Variants in SPON2 observed in about 807,000 individuals in gnomAD.
The protein encoded by SPON2 is spondin-2.
In SPON2, 32 loss-of-function variants were observed where a neutral mutation model predicts 29.9. That is an observed-to-expected ratio of 1.07 (90% CI 0.81 to 1.44). The LOEUF is 1.44. Ranked by LOEUF, SPON2 falls within the 40% of genes most tolerant of loss-of-function variation. The probability of loss-of-function intolerance (pLI) is 0.00; values close to 1 mark genes in which losing one functional copy is unlikely to be tolerated. For missense variants in SPON2, 541 were observed against 455.5 expected (o/e 1.19, Z -1.71); for synonymous variants, 248 against 209.1 (o/e 1.19, Z -1.61).
Position 1,202,640 on chromosome 4 carries a change from G to A in SPON2, c.-234+5240C>T, listed in dbSNP as rs1352609885. 2.6e-5 allele frequency among the ~76,000 whole-genome samples: 4 copies of A among 151,840 alleles called. No individual in the cohort carries two copies. The highest frequency in any genetic ancestry group is 6.6e-5 in the Admixed American group (1 of 15,266). The stretch of plus-strand genomic sequence containing the variant: ...CCGCTCTCCCAGGCTGTGCTTGCTC[G>A]CTGGTGGCCCTGCAGTCCTGGGGTC... On this transcript the variant is annotated intron_variant, in intron 1 of 3. Transcript: ENST00000509233. The surrounding 1 kb of genome is among the most constrained non-coding windows in gnomAD (Gnocchi z 5.4).
intron 1 of SPON2, among the ~76,000 whole-genome samples, chr4:1,179,961 C>G (rs940051137): frequency 6.7e-6 from 1 of 149,980 alleles, no homozygotes; most frequent in Non-Finnish European, 1.5e-5. Flanking sequence ...AACAGTTGGG[C>G]AAGAAATAGA....
At position 1,202,191 on chromosome 4, in the gene SPON2, T is replaced by G. The variant is rs1728227318; in HGVS notation, c.-234+5689A>C. ...CTGCCTCCCCGTCTGGAGGCCAAGG[T>G]TGGGTTCTCCTCTTCCACGATGGCC... On this transcript the variant is annotated intron_variant, in intron 1 of 3. Transcript: ENST00000509233. This position sits in a 1 kb window ranked among gnomAD's most constrained non-coding sequence, Gnocchi z 5.4. Among the ~76,000 whole-genome samples the G allele has an allele frequency of 6.6e-6, 1 of 152,142 alleles. No individual in the cohort carries two copies. The highest frequency in any genetic ancestry group is 1.5e-5 in the Non-Finnish European group (1 of 68,016).
At position 1,170,553 on chromosome 4, in the gene SPON2, G is replaced by T. The variant is rs773095526; in HGVS notation, c.660C>A (p.His220Gln). 3 of 1,613,366 alleles carry T rather than the reference G, an allele frequency of 1.9e-6. No homozygotes were observed. Among genetic ancestry groups the T allele is most frequent in the Non-Finnish European group, 2.5e-6 (3 of 1,179,770 alleles). ...VTEITSSSPS[H>Q]PANSFYYPRL... ...GCGGGTAGTAGAAGGAGTTGGCCGGGTGGCTGGGAGAGGAGGACGTTATCT... is the reference window on the plus strand; with the variant it reads ...GCGGGTAGTAGAAGGAGTTGGCCGGTTGGCTGGGAGAGGAGGACGTTATCT... Residue 220 changes from histidine to glutamine, a missense_variant, in exon 5 of 6, where the codon CAC (histidine) becomes CAA (glutamine). By Grantham distance (24) the His-to-Gln change is conservative. Coordinates refer to ENST00000290902, the MANE Select transcript of SPON2 (RefSeq NM_012445.4).
intron 5 of SPON2, chr4:1,170,072 C>G (rs1243040214): frequency 3.5e-6 from 1 of 289,526 alleles, no homozygotes; most frequent in African/African-American, 2.3e-5. Context: ...CAGGGCCATC[C>G]TAGCAAGCTT....
At chr4:1,175,752 G>A (rs1029379147), upstream of SPON2, among the ~76,000 whole-genome samples, 10 of 152,062 alleles carry the variant, frequency 6.6e-5, no homozygotes, top group African/African-American at 2.2e-4. Flanking sequence ...CCAGGCCTCG[G>A]GGGCTTCAGC....
chr4:1,170,645 A>T, intron 4 of SPON2, 69 bp from the exon 5 acceptor site: 1 of 1,510,488 alleles, frequency 6.6e-7, no homozygotes, highest in East Asian at 2.4e-5. Context: ...GTATGGCCTC[A>T]CTGGGGCCAC....
upstream of SPON2, chr4:1,208,659 C>T (rs1728407896): frequency 6.6e-6 from 1 of 152,362 alleles, no homozygotes; most frequent in African/African-American, 2.4e-5. Context: ...CGTTCTCAGC[C>T]CTCTCTGCCG....
upstream of SPON2, among the ~76,000 whole-genome samples, chr4:1,175,843 G>A (rs78500739): frequency 3.1e-3 from 466 of 152,302 alleles, 17 homozygotes; most frequent in East Asian, 0.067. Flanking sequence ...GGCCTTGGAG[G>A]TGCTCCAGGC....
intron 1 of SPON2, among the ~76,000 whole-genome samples, chr4:1,189,379 G>A (rs1461079069): frequency 3.3e-5 from 5 of 152,022 alleles, no homozygotes; most frequent in South Asian, 2.1e-4. Flanking sequence ...AAAACAGACC[G>A]GGTATGGTGG....
At chr4:1,206,188 C>G (rs888923191) in intron 1 of SPON2, among the ~76,000 whole-genome samples, 2 of 152,220 alleles carry the variant, frequency 1.3e-5, no homozygotes, top group Non-Finnish European at 2.9e-5. Flanking sequence ...CCCCTCCCTG[C>G]TCCTCATGTG....
Position 1,167,195 on chromosome 4 carries a change from C to A in SPON2, c.*277G>T. 2.3e-6 allele frequency: 1 copy of A among 438,124 alleles called. No individual in the cohort carries two copies. Among genetic ancestry groups the A allele is most frequent in the Non-Finnish European group, 4.1e-6 (1 of 244,276 alleles). The allele number at this position is 438,124 out of a possible 1,614,324, so 27.1% of individuals were successfully genotyped here. A position where few individuals can be genotyped will look rare whatever the true frequency, so the allele number is the denominator to read the frequency against. ...GAGACATAATTTAGAGTAGCTGGAG[C>A]CTTGGGGATGACTTTATCCTGCAGG... On this transcript the variant is annotated 3_prime_UTR_variant, in exon 6 of 6. Coordinates refer to ENST00000290902, the MANE Select transcript of SPON2 (RefSeq NM_012445.4).
intron 5 of SPON2, among the ~76,000 whole-genome samples, chr4:1,169,215 C>T (rs1175272802): frequency 3.9e-5 from 6 of 152,118 alleles, no homozygotes; most frequent in Non-Finnish European, 7.3e-5. Flanking sequence ...AACCGCACCT[C>T]TCTGGACCCT....
chr4:1,201,838 C>T (rs1014559685), intron 1 of SPON2, among the ~76,000 whole-genome samples: 2 of 152,190 alleles, frequency 1.3e-5, no homozygotes, highest in African/African-American at 4.8e-5. Flanking sequence ...CCACCTCAGC[C>T]TCCCAAAGTG....
intron 1 of SPON2, among the ~76,000 whole-genome samples, chr4:1,186,058 C>G (rs544943645): frequency 2.7e-5 from 4 of 147,882 alleles, no homozygotes; most frequent in African/African-American, 7.3e-5. Context: ...TCCTGGCTAA[C>G]ACGGTGAAAC....
upstream of SPON2, chr4:1,173,056 G>A (rs1359528740): frequency 6.6e-6 from 1 of 151,866 alleles, no homozygotes; most frequent in African/African-American, 2.4e-5. Flanking sequence ...CAGGGCGTGG[G>A]GGCAGAGGGG....
upstream of SPON2, among the ~76,000 whole-genome samples, chr4:1,176,365 C>T (rs186989812): frequency 4.7e-4 from 72 of 152,308 alleles, no homozygotes; most frequent in East Asian, 0.013. Context: ...AGCAGCCCCC[C>T]ACATACACAC....
upstream of SPON2, among the ~76,000 whole-genome samples, chr4:1,174,043 T>C (rs560708709): frequency 1.0e-3 from 157 of 150,406 alleles, no homozygotes; most frequent in African/African-American, 3.7e-3. Context: ...CTACAAAACA[T>C]ACAAAAATTA....
chr4:1,180,423 G>C (rs547308797), intron 1 of SPON2, among the ~76,000 whole-genome samples: 1 of 152,310 alleles, frequency 6.6e-6, no homozygotes, highest in South Asian at 2.1e-4. Context: ...GGTTTCTGGA[G>C]TTGCCACATT....
chr4:1,189,630 C>A (rs571997113), intron 1 of SPON2, among the ~76,000 whole-genome samples: 51 of 118,202 alleles, frequency 4.3e-4, no homozygotes, highest in Non-Finnish European at 7.1e-4. Flanking sequence ...CAGAGTGAGA[C>A]CCTGTCTCAA....
Sources: allele counts gnomAD v4.1 joint callset (sites outside exome capture counted in the v4.1 genomes callset), GRCh38; gene constraint gnomAD v4.1.1; non-coding constraint Gnocchi (gnomAD v3.1); transcripts MANE v1.5; gene names NCBI Gene and HGNC (gene_info 2026-07-23, HGNC 2026-07-21).